The following ATP10D variants were observed in gnomAD, a reference collection of about 807,000 sequenced individuals.
ATP10D encodes phospholipid-transporting ATPase VD.
In ATP10D, 89 loss-of-function variants were observed where a neutral mutation model predicts 144.8. The ratio of observed to expected loss-of-function variants is 0.61; its 90% CI spans 0.52 to 0.73. The LOEUF (loss-of-function observed/expected upper bound fraction) is 0.73. Among genes scored for constraint, ATP10D ranks in the 30% least tolerant of loss-of-function variants. The pLI, the probability that ATP10D is intolerant of heterozygous loss-of-function variation, is 0.00. For synonymous variants in ATP10D, 571 were observed against 615.1 expected, an observed-to-expected ratio of 0.93 and a Z score of 1.06; for missense variants, 1,603 against 1,714.8, an observed-to-expected ratio of 0.93 and a Z score of 1.15.
At chr4:47,527,571 T>C (rs1717316182) in intron 5 of ATP10D, among the ~76,000 whole-genome samples, 1 of 152,166 alleles carries the variant, frequency 6.6e-6, no homozygotes, top group African/African-American at 2.4e-5. Context: ...ATTCATAATA[T>C]ATAAAGGAAT....
intron 19 of ATP10D, among the ~76,000 whole-genome samples, chr4:47,579,796 G>A (rs770575305): frequency 1.7e-4 from 26 of 152,236 alleles, no homozygotes; most frequent in Admixed American, 3.3e-4. Flanking sequence ...GGAGGGAGTG[G>A]AAGGAGTCAA....
intron 3 of ATP10D, 72 bp downstream of exon 3, chr4:47,515,742 C>A: frequency 7.8e-7 from 1 of 1,281,404 alleles, no homozygotes; most frequent in Non-Finnish European, 1.1e-6. Context: ...TTACTTTTTT[C>A]TCCTTAGGTG....
rs986382737 is a variant in ATP10D, at chr4:47,553,402, A to C, written c.1636-1324A>C. 4.6e-5 allele frequency among the ~76,000 whole-genome samples: 7 copies of C among 152,354 alleles called. 1 individual carries two copies. In the South Asian group the frequency reaches 8.3e-4, roughly 18 times the overall value. On this transcript the variant is annotated intron_variant, in intron 10 of 22. Coordinates refer to ENST00000273859, the MANE Select transcript of ATP10D (RefSeq NM_020453.4). ...TAGCACAAGCCAGTAGAATTAATGAATTTAGATAGAAACTTAGCAATGCTT... is the reference window on the plus strand; with the variant it reads ...TAGCACAAGCCAGTAGAATTAATGACTTTAGATAGAAACTTAGCAATGCTT...
intron 1 of ATP10D, chr4:47,491,223 CT>C: frequency 1.3e-6 from 1 of 766,540 alleles, no homozygotes. Flanking sequence ...GAATCTTGCC[CT>C]TAACTTGTTT....
chr4:47,503,902 A>T (rs1715857985), intron 1 of ATP10D, among the ~76,000 whole-genome samples: 1 of 151,678 alleles, frequency 6.6e-6, no homozygotes, highest in Non-Finnish European at 1.5e-5. Flanking sequence ...TGTCTAAAAA[A>T]AAATAATAAA....
intron 3 of ATP10D, among the ~76,000 whole-genome samples, chr4:47,516,140 GAATC>G (rs1716672613): frequency 1.3e-5 from 2 of 151,964 alleles, no homozygotes; most frequent in Non-Finnish European, 2.9e-5. Flanking sequence ...TGAGGCAGGA[GAATC>G]GCTTGAACCC....
intron 1 of ATP10D, among the ~76,000 whole-genome samples, chr4:47,490,217 T>G (rs978531836): frequency 2.6e-5 from 4 of 152,224 alleles, no homozygotes; most frequent in African/African-American, 9.6e-5. Flanking sequence ...ATAACATCTC[T>G]TCTTCTTTAC....
intron 21 of ATP10D, among the ~76,000 whole-genome samples, chr4:47,586,216 C>G (rs979749060): frequency 6.6e-6 from 1 of 152,152 alleles, no homozygotes; most frequent in Admixed American, 6.5e-5. Context: ...GAGATGATAT[C>G]TCATTGTACT....
intron 1 of ATP10D, among the ~76,000 whole-genome samples, chr4:47,506,632 A>G (rs537255040): frequency 3.3e-5 from 5 of 152,358 alleles, no homozygotes; most frequent in African/African-American, 1.2e-4. Flanking sequence ...TTGTAAATCA[A>G]TACCTCTAAG....
chr4:47,568,591 A>G (rs1343018990), intron 15 of ATP10D, among the ~76,000 whole-genome samples: 2 of 152,234 alleles, frequency 1.3e-5, no homozygotes, highest in Admixed American at 1.3e-4. Context: ...AATTGCACAC[A>G]TGAAGAAATT....
At chr4:47,506,473 T>C (rs1716024947) in intron 1 of ATP10D, among the ~76,000 whole-genome samples, 1 of 152,204 alleles carries the variant, frequency 6.6e-6, no homozygotes, top group Admixed American at 6.5e-5. Context: ...AATTACAGGT[T>C]TTATAATCTG....
At chr4:47,580,566 G>A in intron 20 of ATP10D, 88 bp downstream of exon 20, 2 of 1,170,600 alleles carry the variant, frequency 1.7e-6, no homozygotes, top group South Asian at 2.5e-5. Context: ...ATAAAGGAGG[G>A]CAGATTGCTC....
intron 15 of ATP10D, among the ~76,000 whole-genome samples, chr4:47,565,522 A>C (rs981916458): frequency 1.3e-5 from 2 of 152,194 alleles, no homozygotes; most frequent in African/African-American, 4.8e-5. Context: ...ATGTGGCCTT[A>C]GGGAGTTACT....
intron 21 of ATP10D, among the ~76,000 whole-genome samples, chr4:47,584,416 A>G (rs1351423540): frequency 6.6e-6 from 1 of 152,174 alleles, no homozygotes; most frequent in East Asian, 1.9e-4. Context: ...TTTTTGAGAC[A>G]GAGTCTTGCT....
At chr4:47,514,267 GCTATGTAGCC>G (rs1315679450) in intron 2 of ATP10D, among the ~76,000 whole-genome samples, 2 of 152,082 alleles carry the variant, frequency 1.3e-5, no homozygotes, top group Non-Finnish European at 2.9e-5. Context: ...TGAATTAATG[GCTATGTAGCC>G]CTATGTGTGT....
intron 10 of ATP10D, among the ~76,000 whole-genome samples, chr4:47,548,642 C>T (rs774946338): frequency 2.6e-5 from 4 of 152,174 alleles, no homozygotes; most frequent in Non-Finnish European, 5.9e-5. Flanking sequence ...TTTCATTTGC[C>T]TTATACTCCA....
chr4:47,536,408 C>T, intron 7 of ATP10D, 29 bp from the exon 8 acceptor site: 1 of 1,607,068 alleles, frequency 6.2e-7, no homozygotes, highest in Middle Eastern at 1.7e-4. Context: ...TATTTAGCAT[C>T]CTTTTGATGT....
chr4:47,540,928 A>G (rs932482751), intron 9 of ATP10D, among the ~76,000 whole-genome samples: 2 of 152,218 alleles, frequency 1.3e-5, no homozygotes, highest in African/African-American at 4.8e-5. Context: ...TGTCCAGAGT[A>G]TACATTTATG....
intron 5 of ATP10D, among the ~76,000 whole-genome samples, chr4:47,530,550 G>A (rs1295544267): frequency 1.3e-5 from 2 of 152,078 alleles, no homozygotes; most frequent in East Asian, 1.9e-4. Context: ...TCCACCTCCT[G>A]GTTCAAGCAA....
Sources: gnomAD v4.1 joint callset for allele counts (sites outside exome capture counted in the v4.1 genomes callset) on GRCh38, gnomAD v4.1.1 for gene constraint, MANE v1.5 for transcripts, NCBI Gene and HGNC (gene_info 2026-07-23, HGNC 2026-07-21) for gene names.